The following KCNMA1 variants were observed in gnomAD, a reference collection of about 807,000 sequenced individuals.
The protein encoded by KCNMA1 is Calcium-activated potassium channel subunit alpha-1.
Under a neutral mutation model 140.0 loss-of-function variants are expected in KCNMA1, and 29 were observed. The ratio of observed to expected loss-of-function variants is 0.21; its 90% CI spans 0.15 to 0.28. The LOEUF is 0.28. Ranked by LOEUF, KCNMA1 falls within the 10% of genes least tolerant of loss-of-function variation. The probability of loss-of-function intolerance (pLI) is 1.00; values close to 1 mark genes in which losing one functional copy is unlikely to be tolerated. For missense variants in KCNMA1, 880 were observed against 1,602.2 expected, an observed-to-expected ratio of 0.55 and a Z score of 7.70; for synonymous variants, 612 against 611.9, an observed-to-expected ratio of 1.00 and a Z score of 0.00.
At chr10:77,248,410 G>A (rs968121806) in intron 3 of KCNMA1, among the ~76,000 whole-genome samples, 2 of 152,172 alleles carry the variant, frequency 1.3e-5, no homozygotes, top group African/African-American at 2.4e-5. Context: ...GCCATTTCAC[G>A]CATGTCTGTT....
intron 2 of KCNMA1, among the ~76,000 whole-genome samples, chr10:77,258,121 G>A (rs1256510413): frequency 1.3e-5 from 2 of 152,144 alleles, no homozygotes; most frequent in Non-Finnish European, 2.9e-5. Context: ...GAAATAATGA[G>A]ATTGAAACAG....
chr10:77,603,696 C>A (rs2083430214), intron 1 of KCNMA1, among the ~76,000 whole-genome samples: 1 of 152,136 alleles, frequency 6.6e-6, no homozygotes, highest in Non-Finnish European at 1.5e-5. Context: ...TCCCTTACTC[C>A]TTCCACAGCC....
In KCNMA1 at chr10:77,090,424, T is replaced by C. The variant is rs1254041308; in HGVS notation, c.1310A>G (p.Asn437Ser). The C allele has an allele frequency of 1.9e-6, 3 of 1,613,204 alleles. No individual in the cohort carries two copies. The highest frequency in any genetic ancestry group is 2.5e-6 in the Non-Finnish European group (3 of 1,179,236). The change falls in exon 10 of 28, where the codon AAT becomes AGT. Residue 437 changes from asparagine to serine, a missense_variant. Coordinates refer to ENST00000286628, the MANE Select transcript of KCNMA1 (RefSeq NM_001161352.2). ...CTTGTGAAGAAAAACGATCTCCACA[T>C]TGACGTCATCCCGGTCCTTGTGCAG... ...DFLHKDRDDV[N>S]VEIVFLHNIS...
chr10:77,470,052 A>C (rs567021583), intron 1 of KCNMA1, among the ~76,000 whole-genome samples: 46 of 152,218 alleles, frequency 3.0e-4, no homozygotes, highest in African/African-American at 1.1e-3. Context: ...GGTGAGAAGG[A>C]GGCCAGGGTC....
chr10:77,560,474 G>A (rs1190346208), intron 1 of KCNMA1, among the ~76,000 whole-genome samples: 1 of 152,190 alleles, frequency 6.6e-6, no homozygotes, highest in African/African-American at 2.4e-5. Flanking sequence ...GGAAACTGAG[G>A]CTCAGAGAAC....
intron 5 of KCNMA1, among the ~76,000 whole-genome samples, chr10:77,169,431 C>T (rs1410572744): frequency 2.0e-5 from 3 of 151,366 alleles, no homozygotes; most frequent in African/African-American, 7.3e-5. Flanking sequence ...ACTGTATTGC[C>T]CAGGCTGGAG....
At chr10:77,298,691 G>T (rs12221028) in intron 2 of KCNMA1, among the ~76,000 whole-genome samples, 10,127 of 152,150 alleles carry the variant, frequency 0.067, 633 homozygotes, top group East Asian at 0.31. Flanking sequence ...CCTCCCAAAG[G>T]TCCCCTCATT....
At chr10:76,882,404 G>A (rs1180227366), downstream of KCNMA1, among the ~76,000 whole-genome samples, 2 of 152,118 alleles carry the variant, frequency 1.3e-5, no homozygotes, top group Non-Finnish European at 2.9e-5. Context: ...ACCTTCAAGG[G>A]TAATGCTGTG....
intron 1 of KCNMA1, among the ~76,000 whole-genome samples, chr10:77,442,850 G>A (rs995976318): frequency 4.6e-5 from 7 of 152,170 alleles, no homozygotes; most frequent in African/African-American, 1.7e-4. Flanking sequence ...TTTGGTACCT[G>A]GGGCTCCTGA....
rs112529502 is a variant in KCNMA1, at chr10:77,368,251, C to T, written c.540+35611G>A. On this transcript the variant is annotated intron_variant, in intron 2 of 27. Coordinates refer to ENST00000286628, the MANE Select transcript of KCNMA1 (RefSeq NM_001161352.2). ...TCAGCCATTATAATAGGTGTGTTCA[C>T]ATCTCATCATTGCTTACACTTGCAT... 7.5e-4 allele frequency among the ~76,000 whole-genome samples: 114 copies of T among 152,318 alleles called. 1 individual carries two copies. The highest frequency in any genetic ancestry group is 2.6e-3 in the African/African-American group (108 of 41,574).
At chr10:76,947,635 T>C (rs574958604) in intron 22 of KCNMA1, among the ~76,000 whole-genome samples, 1 of 152,346 alleles carries the variant, frequency 6.6e-6, no homozygotes, top group African/African-American at 2.4e-5. Flanking sequence ...TATGCTCTCC[T>C]CTGTGTATGA....
At chr10:77,012,226 A>G in intron 17 of KCNMA1, 183 bp from the exon 18 acceptor site, 1 of 1,479,356 alleles carries the variant, frequency 6.8e-7, no homozygotes, top group Non-Finnish European at 8.9e-7. Context: ...TATTTCAAAC[A>G]CAGGATTCTG....
At chr10:77,038,651 T>C (rs1360737496) in intron 15 of KCNMA1, among the ~76,000 whole-genome samples, 1 of 152,192 alleles carries the variant, frequency 6.6e-6, no homozygotes. Flanking sequence ...GCAATCCTTC[T>C]ACCCCAGCCT....
chr10:77,573,348 T>G (rs12777278), intron 1 of KCNMA1, among the ~76,000 whole-genome samples: 24,210 of 152,082 alleles, frequency 0.16, 2,239 homozygotes, highest in Middle Eastern at 0.25. Flanking sequence ...AACCACAGGA[T>G]AGGTCAGACA....
chr10:77,473,840 G>A (rs1192746169), intron 1 of KCNMA1, among the ~76,000 whole-genome samples: 4 of 152,134 alleles, frequency 2.6e-5, no homozygotes, highest in Admixed American at 1.3e-4. Flanking sequence ...CCTTAATAAC[G>A]TGTCACCATG....
intron 1 of KCNMA1, among the ~76,000 whole-genome samples, chr10:77,509,105 TTG>T (rs1324095293): frequency 3.3e-4 from 26 of 78,410 alleles, no homozygotes; most frequent in Non-Finnish European, 5.4e-4. Context: ...TTGGGTTTTG[TTG>T]TTGTTGTTGT....
intron 5 of KCNMA1, among the ~76,000 whole-genome samples, chr10:77,158,575 T>A (rs2098517360): frequency 6.6e-6 from 1 of 152,062 alleles, no homozygotes. Context: ...TCCCAGCTCC[T>A]CTCCCCTCTC....
chr10:77,087,265 T>C (rs1316999107), intron 10 of KCNMA1, among the ~76,000 whole-genome samples: 2 of 152,190 alleles, frequency 1.3e-5, no homozygotes, highest in Non-Finnish European at 2.9e-5. Flanking sequence ...TGGCAGGCAG[T>C]GGGACTTCCC....
intron 2 of KCNMA1, among the ~76,000 whole-genome samples, chr10:77,354,935 G>C (rs1035858993): frequency 3.0e-4 from 46 of 152,308 alleles, no homozygotes; most frequent in African/African-American, 1.1e-3. Context: ...CAAAACATAT[G>C]CCTTCTGAGC....
Sources: gnomAD v4.1 joint callset for allele counts (sites outside exome capture counted in the v4.1 genomes callset) on GRCh38, gnomAD v4.1.1 for gene constraint, MANE v1.5 for transcripts, NCBI Gene and HGNC (gene_info 2026-07-23, HGNC 2026-07-21) for gene names.